Variants in ATAD3B observed in about 807,000 individuals in gnomAD.
The protein encoded by ATAD3B is ATPase family AAA domain-containing protein 3B.
Under a neutral mutation model 70.2 loss-of-function variants are expected in ATAD3B, and 59 were observed. That is an observed-to-expected ratio of 0.84 (90% CI 0.68 to 1.04). The LOEUF (loss-of-function observed/expected upper bound fraction) is 1.04, where lower values mean the gene tolerates loss of function less well. Ranked by LOEUF, ATAD3B falls within the 50% of genes least tolerant of loss-of-function variation. ATAD3B has a pLI of 0.00. For missense variants in ATAD3B, 961 were observed against 913.4 expected (o/e 1.05, Z -0.67); for synonymous variants, 423 against 388.6 (o/e 1.09, Z -1.04).
chr1:1,477,677 T>TTTTTATTTTATTTTATTTTA (rs199892482), intron 2 of ATAD3B, among the ~76,000 whole-genome samples: 19 of 147,876 alleles, frequency 1.3e-4, no homozygotes, highest in African/African-American at 4.4e-4. Flanking sequence ...TCAGCAGGAT[T>TTTTTATTTTATTTTATTTTA]TTTTATTTTA....
downstream of ATAD3B, among the ~76,000 whole-genome samples, chr1:1,499,144 T>TGTA (rs1640885470): frequency 6.7e-6 from 1 of 150,256 alleles, no homozygotes; most frequent in African/African-American, 2.5e-5. Flanking sequence ...GCTAATTTTT[T>TGTA]GTATTTTTAG....
chr1:1,478,700 G>A lies in ATAD3B; in HGVS notation c.339G>A (p.Glu113=). 6.5e-7 allele frequency: 1 copy of A among 1,538,532 alleles called. No homozygotes were observed. Among genetic ancestry groups the A allele is most frequent in the Non-Finnish European group, 8.8e-7 (1 of 1,141,576 alleles). ...GCGAGCAGATCCGGGCGCAGGCTGA[G>A]GAGAGGAGGAAGACCCTGAGCGAGG... is the stretch of plus-strand genomic sequence containing the variant. The part of the protein sequence containing the change: ...LKSEQIRAQA[E]ERRKTLSEET... Residue 113 remains glutamate, a synonymous_variant, in exon 3 of 16, where the codon GAG becomes GAA. Coordinates refer to ENST00000673477, the MANE Select transcript of ATAD3B (RefSeq NM_031921.6).
downstream of ATAD3B, among the ~76,000 whole-genome samples, chr1:1,499,364 G>C (rs1339216813): frequency 7.0e-6 from 1 of 142,596 alleles, no homozygotes; most frequent in East Asian, 2.1e-4. Context: ...AGCCTCCCAA[G>C]TAGCTGGGAT....
rs745370502 is a variant in ATAD3B at position 1,490,691 on chromosome 1, G to A, written c.1614+20G>A. The A allele has an allele frequency of 3.1e-5, 48 of 1,557,846 alleles. 1 individual carries two copies. The East Asian group carries it at 4.8e-4, about 15-fold the overall frequency. On this transcript the variant is annotated intron_variant, in intron 15 of 15. Coordinates refer to ENST00000673477, the MANE Select transcript of ATAD3B (RefSeq NM_031921.6). ...TGGCAGGTGAGTCAGGCTCCGGCAC[G>A]TCCACCCAGACGGGACCCCAGCTGC...
intron 10 of ATAD3B, 109 bp downstream of exon 10, chr1:1,486,344 G>A: frequency 6.3e-7 from 1 of 1,596,488 alleles, no homozygotes; most frequent in Non-Finnish European, 8.5e-7. Flanking sequence ...TTAGGCCTTT[G>A]CCTACCCTCG....
At chr1:1,475,577 G>A (rs1450453335) in intron 1 of ATAD3B, among the ~76,000 whole-genome samples, 1 of 151,858 alleles carries the variant, frequency 6.6e-6, no homozygotes, top group Admixed American at 6.6e-5. Context: ...CGTTCCCAGA[G>A]TCTGCCCTGA....
rs1185327907 is a variant in ATAD3B at position 1,472,194 on chromosome 1, C to T, written c.205+105C>T. 4.0e-5 allele frequency: 55 copies of T among 1,386,502 alleles called. No homozygotes were observed. The African/African-American group carries it at 7.9e-4, about 20-fold the overall frequency. 85.9% of individuals were successfully genotyped at this position (1,386,502 alleles called of 1,614,324 possible). A position where few individuals can be genotyped will look rare whatever the true frequency, so the allele number is the denominator to read the frequency against. Reference sequence around the variant, plus strand: ...CTCGCTGCTGTCGGCAGCCACTTCCCGGGCGAGACTGCGCCCCCGGAGCAC... The same window carrying T: ...CTCGCTGCTGTCGGCAGCCACTTCCTGGGCGAGACTGCGCCCCCGGAGCAC... On this transcript the variant is annotated intron_variant, in intron 1 of 15. Transcript: ENST00000673477.
At chr1:1,479,633 C>G (rs1393423597) in intron 4 of ATAD3B, among the ~76,000 whole-genome samples, 1 of 145,666 alleles carries the variant, frequency 6.9e-6, no homozygotes, top group Non-Finnish European at 1.5e-5. Flanking sequence ...CATGCTCACA[C>G]AGCCCGCACA....
chr1:1,501,621 C>T (rs1374685683), downstream of ATAD3B, among the ~76,000 whole-genome samples: 1 of 151,928 alleles, frequency 6.6e-6, no homozygotes, highest in Non-Finnish European at 1.5e-5. Context: ...GAACTCCTGA[C>T]CTCAGATGAT....
intron 15 of ATAD3B, among the ~76,000 whole-genome samples, chr1:1,493,468 T>C (rs1640634583): frequency 6.6e-6 from 1 of 151,760 alleles, no homozygotes; most frequent in Non-Finnish European, 1.5e-5. Context: ...GGGGGACCAG[T>C]CTCGCTTTTG....
chr1:1,484,079 G>A (rs921586219), intron 7 of ATAD3B: 9 of 152,248 alleles, frequency 5.9e-5, no homozygotes, highest in East Asian at 3.9e-4. Flanking sequence ...ACAAAAGAGC[G>A]AGGCTTTAAA....
intron 7 of ATAD3B, chr1:1,484,777 TA>T: frequency 8.5e-7 from 1 of 1,181,642 alleles, no homozygotes; most frequent in Non-Finnish European, 1.1e-6. Context: ...TTCTAGGATT[TA>T]TGCTGCCAGT....
rs1158150096 is a variant in ATAD3B, at chr1:1,494,904, G to A, written c.1615-581G>A. ...CTTCGCTGGCACTGAGATGGAGAGC[G>A]ACCTGTCCGTGGCAGAAGGGCTGCT... On this transcript the variant is annotated intron_variant, in intron 15 of 15. Transcript: ENST00000673477. Among the ~76,000 whole-genome samples, 3 of 152,046 alleles carry A rather than the reference G, an allele frequency of 2.0e-5. No homozygotes were observed. In the East Asian group the frequency reaches 5.8e-4, roughly 29 times the overall value.
Position 1,482,268 on chromosome 1 carries a change from G to T in ATAD3B, c.645G>T (p.Ala215=). ...TCCGCGAGCAGATCCGCCTGAAGGC[G>T]TCCGAGCACCGTCAGACCGTCTTGG... is the stretch of plus-strand genomic sequence containing the variant. ...DIIREQIRLK[A]SEHRQTVLES... Residue 215 remains alanine, a synonymous_variant, in exon 6 of 16, where the codon GCG becomes GCT. Transcript: ENST00000673477. The T allele has an allele frequency of 6.2e-7, 1 of 1,611,068 alleles. No individual in the cohort carries two copies. The highest frequency in any genetic ancestry group is 8.5e-7 in the Non-Finnish European group (1 of 1,179,282).
intron 10 of ATAD3B, 141 bp downstream of exon 10, chr1:1,486,376 T>C (rs1640216887): frequency 6.4e-7 from 1 of 1,574,446 alleles, no homozygotes; most frequent in Non-Finnish European, 8.6e-7. Flanking sequence ...GGTGCTGGTG[T>C]GGGCAGCAGC....
At chr1:1,484,752 T>C in intron 7 of ATAD3B, 1 of 958,380 alleles carries the variant, frequency 1.0e-6, no homozygotes, top group South Asian at 1.9e-5. Flanking sequence ...AGGGCCCCGC[T>C]CAGCGACCGA....
At chr1:1,492,891 A>G (rs1203048918) in intron 15 of ATAD3B, among the ~76,000 whole-genome samples, 2 of 151,020 alleles carry the variant, frequency 1.3e-5, no homozygotes, top group African/African-American at 2.4e-5. Flanking sequence ...GTGAGCTGAG[A>G]TGGTGCCACT....
At chr1:1,498,696 C>G (rs1410034733), downstream of ATAD3B, among the ~76,000 whole-genome samples, 6 of 151,274 alleles carry the variant, frequency 4.0e-5, no homozygotes, top group Admixed American at 6.6e-5. Context: ...GCCTGAGGCA[C>G]CGCGCCCGGC....
At position 1,496,180 on chromosome 1, in the gene ATAD3B, A is replaced by C; in HGVS notation, c.*363A>C. 1 of 1,039,548 alleles carries C rather than the reference A, an allele frequency of 9.6e-7. No individual in the cohort carries two copies. The highest frequency in any genetic ancestry group is 1.7e-5 in the African/African-American group (1 of 59,398). 64.4% of individuals were successfully genotyped at this position (1,039,548 alleles called of 1,614,324 possible). A position where few individuals can be genotyped will look rare whatever the true frequency, so the allele number is the denominator to read the frequency against. On this transcript the variant is annotated 3_prime_UTR_variant, in exon 16 of 16. Transcript: ENST00000673477. Reference sequence around the variant, plus strand: ...GGCTGGAGCTGGTGTGTGTTTATCTAATAAAGTCCCACAGGTGCCTCACCG... The same window carrying C: ...GGCTGGAGCTGGTGTGTGTTTATCTCATAAAGTCCCACAGGTGCCTCACCG...
Sources: allele counts gnomAD v4.1 joint callset (sites outside exome capture counted in the v4.1 genomes callset), GRCh38; gene constraint gnomAD v4.1.1; transcripts MANE v1.5; gene names NCBI Gene and HGNC (gene_info 2026-07-23, HGNC 2026-07-21).